The following FRMD4A variants were observed in gnomAD, a reference collection of about 807,000 sequenced individuals.
The protein encoded by FRMD4A is FERM domain containing 4A.
Under a neutral mutation model 129.1 loss-of-function variants are expected in FRMD4A, and 29 were observed. The ratio of observed to expected loss-of-function variants is 0.22; its 90% CI spans 0.17 to 0.31. The LOEUF (loss-of-function observed/expected upper bound fraction) is 0.31. Ranked by LOEUF, FRMD4A falls within the 10% of genes least tolerant of loss-of-function variation. The probability of loss-of-function intolerance (pLI) is 1.00; values close to 1 mark genes in which losing one functional copy is unlikely to be tolerated. For missense variants in FRMD4A, 1,272 were observed against 1,375.8 expected, an observed-to-expected ratio of 0.92 and a Z score of 1.19; for synonymous variants, 634 against 571.6, an observed-to-expected ratio of 1.11 and a Z score of -1.56.
At chr10:13,891,022 G>T (rs766505953) in intron 2 of FRMD4A, 10 of 183,438 alleles carry the variant, frequency 5.5e-5, no homozygotes, top group Non-Finnish European at 8.3e-5. Flanking sequence ...TGAATTCAAC[G>T]TGCACCAACA....
rs560344277 is a variant in FRMD4A, at chr10:13,656,323, A to C, written c.2953+313T>G. Among the ~76,000 whole-genome samples the C allele has an allele frequency of 1.4e-4, 22 of 152,198 alleles. No homozygotes were observed. The South Asian group carries it at 4.6e-3, about 32-fold the overall frequency. On this transcript the variant is annotated intron_variant, in intron 22 of 24. Coordinates refer to ENST00000357447, the MANE Select transcript of FRMD4A (RefSeq NM_018027.5). ...TTGGTTGGATAAACCCAGAGACATT[A>C]CTTTTACTTTACCTAACTAACTTTC...
intron 2 of FRMD4A, among the ~76,000 whole-genome samples, chr10:14,220,587 G>A (rs892032718): frequency 6.6e-6 from 1 of 152,106 alleles, no homozygotes; most frequent in African/African-American, 2.4e-5. Flanking sequence ...AAATCCCACC[G>A]ATTAGAGGAA....
At chr10:14,099,443 GC>G (rs1446353103) in intron 2 of FRMD4A, among the ~76,000 whole-genome samples, 8 of 152,174 alleles carry the variant, frequency 5.3e-5, no homozygotes, top group Non-Finnish European at 1.2e-4. Context: ...TACGTGCATA[GC>G]CATCCCTCGG....
At chr10:14,305,752 T>G (rs980924042) in intron 2 of FRMD4A, among the ~76,000 whole-genome samples, 5 of 151,840 alleles carry the variant, frequency 3.3e-5, no homozygotes, top group Non-Finnish European at 5.9e-5. Flanking sequence ...ACAGACTGGA[T>G]AAAGAAAATG....
chr10:13,891,768 C>G (rs1405456552), intron 2 of FRMD4A: 3 of 981,108 alleles, frequency 3.1e-6, no homozygotes, highest in East Asian at 2.3e-4. Flanking sequence ...GCCCCCGCCC[C>G]GTCCCCGCCG....
In FRMD4A at chr10:13,657,068, T is replaced by C. The variant is rs375307892; in HGVS notation, c.2521A>G (p.Ile841Val). The change falls in exon 22 of 25, where the codon ATC becomes GTC. Residue 841 changes from isoleucine (I) to valine (V), a missense_variant. Physicochemically the swap from Ile to Val is conservative, Grantham distance 29. Coordinates refer to ENST00000357447, the MANE Select transcript of FRMD4A (RefSeq NM_018027.5). The stretch of plus-strand genomic sequence containing the variant: ...ACCACGGGCGTGGCGCCGCCCTCGA[T>C]GTACAGCGGGTACTCCTTGATGCGG... ...QYRIKEYPLY[I>V]EGGATPVVVR... The C allele has an allele frequency of 9.5e-6, 15 of 1,576,550 alleles. No homozygotes were observed. The highest frequency in any genetic ancestry group is 1.7e-4 in the Middle Eastern group (1 of 5,986).
Position 13,879,108 on chromosome 10 carries a change from T to C in FRMD4A, c.46-20196A>G, listed in dbSNP as rs554067777. On this transcript the variant is annotated intron_variant, in intron 2 of 24. Coordinates refer to ENST00000357447, the MANE Select transcript of FRMD4A (RefSeq NM_018027.5). Reference sequence around the variant, plus strand: ...TTTTAAATAAGCATAGTTTATTGTATGTCAATGATATATTAATAAATCTAT... The same window carrying C: ...TTTTAAATAAGCATAGTTTATTGTACGTCAATGATATATTAATAAATCTAT... 2.0e-5 allele frequency among the ~76,000 whole-genome samples: 3 copies of C among 152,314 alleles called. No homozygotes were observed. In the South Asian group the frequency reaches 6.2e-4, roughly 32 times the overall value.
chr10:13,714,072 T>C (rs2088521318), intron 12 of FRMD4A, among the ~76,000 whole-genome samples: 1 of 95,402 alleles, frequency 1.0e-5, no homozygotes, highest in African/African-American at 3.7e-5. Context: ...AATATACTTT[T>C]TTTTTGAGAC....
chr10:13,959,609 G>T (rs1175854613), intron 2 of FRMD4A, among the ~76,000 whole-genome samples: 1 of 150,592 alleles, frequency 6.6e-6, no homozygotes, highest in Non-Finnish European at 1.5e-5. Context: ...GTTGTGTCAT[G>T]ACAGCTGAGC....
At chr10:14,130,120 G>T (rs748821023) in intron 2 of FRMD4A, among the ~76,000 whole-genome samples, 1 of 152,158 alleles carries the variant, frequency 6.6e-6, no homozygotes, top group Admixed American at 6.5e-5. Context: ...GTTCATGGAT[G>T]GAGGGAACCC....
At chr10:13,685,289 G>A (rs1169389536) in intron 15 of FRMD4A, 1 of 985,390 alleles carries the variant, frequency 1.0e-6, no homozygotes, top group Non-Finnish European at 1.2e-6. Context: ...CTCTGGAAGA[G>A]CTTTGCTTTC....
intron 2 of FRMD4A, among the ~76,000 whole-genome samples, chr10:14,321,791 C>T (rs574979156): frequency 9.7e-4 from 147 of 152,292 alleles, no homozygotes; most frequent in Admixed American, 1.4e-3. Context: ...ATCTGTGTCC[C>T]TGCCCAAATC....
intron 2 of FRMD4A, among the ~76,000 whole-genome samples, chr10:14,162,423 G>C (rs958658735): frequency 2.6e-5 from 4 of 152,208 alleles, no homozygotes; most frequent in African/African-American, 9.6e-5. Flanking sequence ...GTATATGATG[G>C]CATGAATGCC....
chr10:13,969,880 A>C (rs2095507456), intron 2 of FRMD4A, among the ~76,000 whole-genome samples: 1 of 152,150 alleles, frequency 6.6e-6, no homozygotes, highest in South Asian at 2.1e-4. Context: ...GATGAAATGA[A>C]AGTGAGAGGT....
At chr10:14,304,480 C>T (rs1014690417) in intron 2 of FRMD4A, among the ~76,000 whole-genome samples, 3 of 152,154 alleles carry the variant, frequency 2.0e-5, no homozygotes, top group East Asian at 1.9e-4. Context: ...CTTCATCATA[C>T]GCTTGTTCAT....
rs139098671 is a variant in FRMD4A, at chr10:13,793,793, T to C, written c.299+2703A>G. 1.9e-4 allele frequency among the ~76,000 whole-genome samples: 29 copies of C among 152,250 alleles called. No individual in the cohort carries two copies. In the East Asian group the frequency reaches 5.4e-3, roughly 28 times the overall value. Reference sequence around the variant, plus strand: ...CTTTGGAGAAAACTGCCTGTGAGCATCCCTAGGCAGATGTCAGGTTATAAA... The same window carrying C: ...CTTTGGAGAAAACTGCCTGTGAGCACCCCTAGGCAGATGTCAGGTTATAAA... On this transcript the variant is annotated intron_variant, in intron 5 of 24. Coordinates refer to ENST00000357447, the MANE Select transcript of FRMD4A (RefSeq NM_018027.5).
At chr10:13,796,307 C>CA (rs1249774652) in intron 5 of FRMD4A, among the ~76,000 whole-genome samples, 189 bp downstream of exon 5, 1 of 152,202 alleles carries the variant, frequency 6.6e-6, no homozygotes, top group Admixed American at 6.5e-5. Context: ...CTTGCACACT[C>CA]ACAGGCACAC....
At chr10:14,185,558 T>C (rs779213583) in intron 2 of FRMD4A, among the ~76,000 whole-genome samples, 3 of 152,160 alleles carry the variant, frequency 2.0e-5, no homozygotes, top group East Asian at 1.9e-4. Flanking sequence ...AAAGCAAGAC[T>C]ATTTAAAGGT....
chr10:14,032,950 G>C (rs1833315794), intron 2 of FRMD4A, among the ~76,000 whole-genome samples: 1 of 152,224 alleles, frequency 6.6e-6, no homozygotes, highest in Non-Finnish European at 1.5e-5. Context: ...AGTGGCTGCA[G>C]TAGTCACCAG....
Sources: gnomAD v4.1 joint callset for allele counts (sites outside exome capture counted in the v4.1 genomes callset) on GRCh38, gnomAD v4.1.1 for gene constraint, MANE v1.5 for transcripts, NCBI Gene and HGNC (gene_info 2026-07-23, HGNC 2026-07-21) for gene names.